IQCH: variants seen among roughly 807,000 people sequenced by gnomAD.
IQCH encodes IQ motif containing H, also known as IQ domain-containing protein H.
In IQCH, 98 loss-of-function variants were observed where a neutral mutation model predicts 117.0. The ratio of observed to expected loss-of-function variants is 0.84; its 90% CI spans 0.71 to 0.99. The LOEUF (loss-of-function observed/expected upper bound fraction) is 0.99. IQCH is among the 50% of genes least tolerant of loss of function. The probability of loss-of-function intolerance (pLI) is 0.00; values close to 1 mark genes in which losing one functional copy is unlikely to be tolerated. For synonymous variants in IQCH, 412 were observed against 448.2 expected, an observed-to-expected ratio of 0.92 and a Z score of 1.02; for missense variants, 1,102 against 1,243.8, an observed-to-expected ratio of 0.89 and a Z score of 1.72.
chr15:67,394,484 C>T (rs943760253), intron 12 of IQCH, among the ~76,000 whole-genome samples: 1 of 152,138 alleles, frequency 6.6e-6, no homozygotes, highest in Non-Finnish European at 1.5e-5. Context: ...TGCCCCATCT[C>T]AGTTATGTGT....
At chr15:67,301,052 G>C (rs993320220) in intron 4 of IQCH, among the ~76,000 whole-genome samples, 4 of 152,028 alleles carry the variant, frequency 2.6e-5, no homozygotes, top group Non-Finnish European at 2.9e-5. Flanking sequence ...CCATCAAAAG[G>C]AAAGAATACA....
intron 6 of IQCH, among the ~76,000 whole-genome samples, chr15:67,347,286 T>C (rs2140698054): frequency 6.6e-6 from 1 of 150,596 alleles, no homozygotes; most frequent in East Asian, 1.9e-4. Flanking sequence ...CTAGGCAGAC[T>C]AACCAAGATT....
intron 3 of IQCH, among the ~76,000 whole-genome samples, chr15:67,265,637 C>T (rs1431518144): frequency 1.3e-5 from 2 of 152,192 alleles, no homozygotes; most frequent in African/African-American, 2.4e-5. Flanking sequence ...ATGAAAGTCA[C>T]AGCGTGTGAC....
chr15:67,304,422 C>G (rs1471500120), intron 4 of IQCH: 2 of 1,529,828 alleles, frequency 1.3e-6, no homozygotes, highest in Non-Finnish European at 1.8e-6. Flanking sequence ...ACTATGGAAT[C>G]AGTTTGCCAT....
chr15:67,263,613 C>T (rs1348061428), intron 3 of IQCH, among the ~76,000 whole-genome samples: 3 of 152,114 alleles, frequency 2.0e-5, no homozygotes, highest in Admixed American at 2.0e-4. Context: ...TGCTGTTACT[C>T]TTTGTTGTTG....
intron 16 of IQCH, among the ~76,000 whole-genome samples, chr15:67,461,042 G>T (rs2082779893): frequency 6.6e-6 from 1 of 152,188 alleles, no homozygotes; most frequent in Non-Finnish European, 1.5e-5. Context: ...AGTGCTGAGA[G>T]ATTAGATTCT....
chr15:67,358,194 GGCAC>G (rs1969984246), intron 7 of IQCH, among the ~76,000 whole-genome samples: 1 of 20,906 alleles, frequency 4.8e-5, no homozygotes, highest in Admixed American at 6.0e-4. Context: ...ACCATCATGA[GGCAC>G]TTTCTTTTCT....
intron 4 of IQCH, chr15:67,304,459 A>G: frequency 7.1e-7 from 1 of 1,417,144 alleles, no homozygotes; most frequent in Middle Eastern, 1.7e-4. Flanking sequence ...AGCATGTGTA[A>G]GTAATGAGTT....
chr15:67,373,600 C>T (rs978285428), intron 10 of IQCH, 167 bp downstream of exon 10: 6 of 677,494 alleles, frequency 8.9e-6, no homozygotes, highest in Admixed American at 2.4e-5. Flanking sequence ...CTTGAAACGG[C>T]GTTTAATTTG....
intron 4 of IQCH, among the ~76,000 whole-genome samples, chr15:67,286,241 T>G (rs1378283262): frequency 1.3e-5 from 2 of 152,250 alleles, no homozygotes; most frequent in Admixed American, 6.5e-5. Flanking sequence ...TTGTTCGCTG[T>G]GGGCTTATAG....
chr15:67,485,930 T>A (rs1286871641), intron 18 of IQCH, among the ~76,000 whole-genome samples: 1 of 151,822 alleles, frequency 6.6e-6, no homozygotes, highest in African/African-American at 2.4e-5. Context: ...GTGCTGGGAT[T>A]ACAGGCATGA....
At chr15:67,289,834 T>C (rs1260620495) in intron 4 of IQCH, among the ~76,000 whole-genome samples, 1 of 152,110 alleles carries the variant, frequency 6.6e-6, no homozygotes, top group Non-Finnish European at 1.5e-5. Flanking sequence ...GTATCACAAA[T>C]CAGTAAGAGA....
In IQCH at chr15:67,405,541, A is replaced by G. The variant is rs1332349011; in HGVS notation, c.2097+5236A>G. 5.9e-5 allele frequency: 9 copies of G among 152,188 alleles called. No homozygotes were observed. The highest frequency in any genetic ancestry group is 1.2e-4 in the Non-Finnish European group (8 of 68,050). The allele number at this position is 152,188 out of a possible 1,614,324, so 9.4% of individuals were successfully genotyped here. A position where few individuals can be genotyped will look rare whatever the true frequency, so the allele number is the denominator to read the frequency against. ...GAGGTTTTTACTCATTTACTTCCAC[A>G]CCAATTTAAGATATAAGGAAGGTAT... On this transcript the variant is annotated intron_variant, in intron 14 of 20. Coordinates refer to ENST00000335894, the MANE Select transcript of IQCH (RefSeq NM_001031715.3). The surrounding 1 kb of genome is among the most constrained non-coding windows in gnomAD (Gnocchi z 4.8).
At chr15:67,438,309 T>C (rs144687175) in intron 16 of IQCH, among the ~76,000 whole-genome samples, 3,100 of 152,172 alleles carry the variant, frequency 0.02, 122 homozygotes, top group African/African-American at 0.07. Flanking sequence ...AAGCATCATA[T>C]ATGAAGGAAA....
At chr15:67,273,140 G>A (rs938125874) in intron 3 of IQCH, among the ~76,000 whole-genome samples, 1 of 151,758 alleles carries the variant, frequency 6.6e-6, no homozygotes, top group Admixed American at 6.6e-5. Context: ...TTGCAATCTC[G>A]GCTCACTGCA....
At chr15:67,434,920 C>T (rs2082099919) in intron 16 of IQCH, among the ~76,000 whole-genome samples, 3 of 150,708 alleles carry the variant, frequency 2.0e-5, no homozygotes, top group African/African-American at 4.9e-5. Flanking sequence ...GGACTACAAG[C>T]GCGTCACCAC....
At chr15:67,392,975 A>G (rs1476165126) in intron 12 of IQCH, among the ~76,000 whole-genome samples, 2 of 152,154 alleles carry the variant, frequency 1.3e-5, no homozygotes, top group Non-Finnish European at 2.9e-5. Flanking sequence ...CACAAAATTT[A>G]CCATTTTAAC....
rs201571793 is a variant in IQCH, at chr15:67,421,294, G to T, written c.2222G>T (p.Gly741Val). 7.6e-5 allele frequency: 122 copies of T among 1,613,022 alleles called. No individual in the cohort carries two copies. The highest frequency in any genetic ancestry group is 1.0e-4 in the Non-Finnish European group (121 of 1,179,202). The change falls in exon 16 of 21, where the codon GGT (glycine) becomes GTT (valine). Residue 741 changes from glycine to valine, a missense_variant. By Grantham distance (109) the Gly-to-Val change is moderately radical (BLOSUM62 -3). Around this residue, in one of 2 missense-constraint regions of IQCH, gnomAD observed 650 missense variants for 794.3 expected, o/e 0.82. Coordinates refer to ENST00000335894, the MANE Select transcript of IQCH (RefSeq NM_001031715.3). ...TACTCCATGTTTTTCCCACCAGGGG[G>T]TGTGATCGAAGCATTCCCACCTGCA... ...KFLQTFLSQG[G>V]VIEAFPPADN...
At position 67,404,892 on chromosome 15, in the gene IQCH, C is replaced by A. The variant is rs989803127; in HGVS notation, c.2097+4587C>A. The A allele has an allele frequency of 1.3e-5, 2 of 152,116 alleles. No homozygotes were observed. Among genetic ancestry groups the A allele is most frequent in the African/African-American group, 4.8e-5 (2 of 41,410 alleles). 9.4% of individuals were successfully genotyped at this position (152,116 alleles called of 1,614,324 possible). A position where few individuals can be genotyped will look rare whatever the true frequency, so the allele number is the denominator to read the frequency against. The stretch of plus-strand genomic sequence containing the variant: ...TTGAGTTACTTCCCGAGGAGAAAGA[C>A]CCAGGAGTAGAATATTTTATGGCTT... On this transcript the variant is annotated intron_variant, in intron 14 of 20. Transcript: ENST00000335894. The surrounding 1 kb of genome is among the most constrained non-coding windows in gnomAD (Gnocchi z 4.6).
Sources: gnomAD v4.1 joint callset for allele counts (sites outside exome capture counted in the v4.1 genomes callset) on GRCh38, gnomAD v4.1.1 for gene constraint, gnomAD v4.1.1 regional missense constraint, Gnocchi (gnomAD v3.1) non-coding constraint, MANE v1.5 for transcripts, NCBI Gene and HGNC (gene_info 2026-07-23, HGNC 2026-07-21) for gene names.